Variants in OPCML observed in about 807,000 individuals in gnomAD.
The protein encoded by OPCML is opioid-binding protein/cell adhesion molecule.
Under a neutral mutation model 37.8 loss-of-function variants are expected in OPCML, and 13 were observed. The observed-to-expected ratio is 0.34, with a 90% CI of 0.22 to 0.55. OPCML has a LOEUF of 0.55. Among genes scored for constraint, OPCML ranks in the 20% least tolerant of loss-of-function variants. OPCML has a pLI of 0.91. For missense variants in OPCML, 341 were observed against 435.6 expected, an observed-to-expected ratio of 0.78 and a Z score of 1.93; for synonymous variants, 176 against 168.8, an observed-to-expected ratio of 1.04 and a Z score of -0.33.
chr11:132,479,169 T>C (rs563502776), intron 4 of OPCML, among the ~76,000 whole-genome samples: 17 of 151,952 alleles, frequency 1.1e-4, no homozygotes, highest in African/African-American at 4.1e-4. Context: ...CTCAGGTCAG[T>C]GGGTGCATGA....
At chr11:132,470,998 G>A (rs568214286) in intron 4 of OPCML, among the ~76,000 whole-genome samples, 21 of 152,306 alleles carry the variant, frequency 1.4e-4, no homozygotes, top group Admixed American at 3.9e-4. Context: ...AAGTTTCTTG[G>A]AGGCAGGAAA....
chr11:132,853,336 T>C (rs1337541851), intron 2 of OPCML, among the ~76,000 whole-genome samples: 3 of 152,212 alleles, frequency 2.0e-5, no homozygotes. Context: ...TAATGAAATG[T>C]GTCAATATTT....
At chr11:132,580,087 G>C (rs1026947323) in intron 3 of OPCML, among the ~76,000 whole-genome samples, 18 of 152,058 alleles carry the variant, frequency 1.2e-4, no homozygotes, top group Non-Finnish European at 2.1e-4. Flanking sequence ...TGAGAGAAGG[G>C]GAACCAGCAA....
intron 3 of OPCML, among the ~76,000 whole-genome samples, chr11:132,531,361 T>C (rs1445136692): frequency 6.6e-6 from 1 of 152,222 alleles, no homozygotes; most frequent in African/African-American, 2.4e-5. Flanking sequence ...GCTGATTTAT[T>C]TGTACTGCCA....
At chr11:133,031,075 T>C (rs1947659542) in intron 1 of OPCML, among the ~76,000 whole-genome samples, 1 of 152,240 alleles carries the variant, frequency 6.6e-6, no homozygotes, top group Non-Finnish European at 1.5e-5. Flanking sequence ...GCACGGGCTT[T>C]GTTAAAACAT....
At chr11:133,229,030 C>A (rs1313336530) in intron 1 of OPCML, among the ~76,000 whole-genome samples, 3 of 152,068 alleles carry the variant, frequency 2.0e-5, no homozygotes, top group African/African-American at 7.2e-5. Flanking sequence ...AGAAAAAATC[C>A]AAAACTAGGA....
chr11:133,198,998 GA>G (rs1938650576), intron 1 of OPCML, among the ~76,000 whole-genome samples: 1 of 152,112 alleles, frequency 6.6e-6, no homozygotes, highest in Non-Finnish European at 1.5e-5. Context: ...TGTACACCAA[GA>G]AACACAAACA....
chr11:132,422,746 G>A (rs2095964156), intron 7 of OPCML, among the ~76,000 whole-genome samples: 1 of 152,220 alleles, frequency 6.6e-6, no homozygotes, highest in Non-Finnish European at 1.5e-5. Context: ...TATGCACCTT[G>A]AGCTGGATTA....
At chr11:133,450,415 C>T (rs1433529492) in intron 1 of OPCML, among the ~76,000 whole-genome samples, 2 of 150,936 alleles carry the variant, frequency 1.3e-5, no homozygotes, top group Admixed American at 6.6e-5. Flanking sequence ...TTTAAGATTT[C>T]TCACTTTGAC....
chr11:133,411,041 C>A (rs1349986657), intron 1 of OPCML, among the ~76,000 whole-genome samples: 2 of 152,094 alleles, frequency 1.3e-5, no homozygotes, highest in Non-Finnish European at 2.9e-5. Flanking sequence ...GGCATGTGTC[C>A]CCTCACAGGA....
chr11:132,437,125 C>A, intron 5 of OPCML, 97 bp downstream of exon 5: 1 of 1,528,802 alleles, frequency 6.5e-7, no homozygotes, highest in Non-Finnish European at 8.8e-7. Context: ...TGGCAGGAAC[C>A]TGGGTCCTTT....
chr11:132,637,970 G>A (rs949020490), intron 3 of OPCML, among the ~76,000 whole-genome samples: 1 of 152,036 alleles, frequency 6.6e-6, no homozygotes, highest in African/African-American at 2.4e-5. Flanking sequence ...AGCCACTTCT[G>A]TCCTACCCAC....
At chr11:133,130,643 T>A (rs1257037144) in intron 1 of OPCML, among the ~76,000 whole-genome samples, 1 of 151,952 alleles carries the variant, frequency 6.6e-6, no homozygotes, top group Non-Finnish European at 1.5e-5. Context: ...CAATACAATA[T>A]TAAAGAAGAA....
intron 2 of OPCML, among the ~76,000 whole-genome samples, chr11:132,929,179 A>G (rs1364720871): frequency 6.6e-6 from 1 of 151,906 alleles, no homozygotes; most frequent in Non-Finnish European, 1.5e-5. Context: ...TTTCCTTAAA[A>G]TGATAACAAA....
intron 1 of OPCML, chr11:133,066,839 C>G (rs7952100): frequency 0.78 from 117,927 of 151,976 alleles, 45,934 homozygotes; most frequent in Admixed American, 0.85. Context: ...ACCATACCCA[C>G]CAGATTTTTT....
chr11:132,941,073 T>C (rs1945561048), intron 2 of OPCML, among the ~76,000 whole-genome samples: 2 of 152,076 alleles, frequency 1.3e-5, no homozygotes, highest in Admixed American at 1.3e-4. Flanking sequence ...TGCTAGAACA[T>C]GTAAGTTGTT....
At chr11:132,845,296 G>A (rs182813046) in intron 2 of OPCML, among the ~76,000 whole-genome samples, 5 of 151,978 alleles carry the variant, frequency 3.3e-5, no homozygotes, top group African/African-American at 7.3e-5. Context: ...GCCATTTACC[G>A]CATGCTTAGG....
In OPCML at chr11:133,074,924, C is replaced by T. The variant is rs566269343; in HGVS notation, c.62-131914G>A. Reference sequence around the variant, plus strand: ...AGTTAAATAACCATGCACAGAATGACGCCCACCCCTGTCTGTCCACCATCA... The same window carrying T: ...AGTTAAATAACCATGCACAGAATGATGCCCACCCCTGTCTGTCCACCATCA... On this transcript the variant is annotated intron_variant, in intron 1 of 7. Coordinates refer to ENST00000524381, the MANE Select transcript of OPCML (RefSeq NM_001012393.5). Among the ~76,000 whole-genome samples the T allele has an allele frequency of 7.2e-5, 11 of 152,242 alleles. No individual in the cohort carries two copies. In the South Asian group the frequency reaches 8.3e-4, roughly 11 times the overall value.
intron 1 of OPCML, among the ~76,000 whole-genome samples, chr11:133,408,606 A>G (rs2136859963): frequency 6.6e-6 from 1 of 152,266 alleles, no homozygotes; most frequent in East Asian, 1.9e-4. Flanking sequence ...TCAGTCCTGG[A>G]CACGACACCA....
Sources: allele counts gnomAD v4.1 joint callset (sites outside exome capture counted in the v4.1 genomes callset), GRCh38; gene constraint gnomAD v4.1.1; transcripts MANE v1.5; gene names NCBI Gene and HGNC (gene_info 2026-07-23, HGNC 2026-07-21).